The following ZNF791 variants were observed in gnomAD, a reference collection of about 807,000 sequenced individuals.
The protein encoded by ZNF791 is zinc finger protein 791.
In ZNF791, 4 loss-of-function variants were observed where a neutral mutation model predicts 11.5. That is an observed-to-expected ratio of 0.35 (90% CI 0.17 to 0.80). The LOEUF is 0.80. ZNF791 is among the 30% of genes least tolerant of loss of function. The probability of loss-of-function intolerance (pLI) is 0.53; values close to 1 mark genes in which losing one functional copy is unlikely to be tolerated. For synonymous variants in ZNF791, 212 were observed against 228.1 expected, an observed-to-expected ratio of 0.93 and a Z score of 0.64; for missense variants, 559 against 699.4, an observed-to-expected ratio of 0.80 and a Z score of 2.26.
rs557815648 is a variant in ZNF791 at position 12,628,031 on chromosome 19, A to C, written c.502A>C (p.Thr168Pro). 6.2e-7 allele frequency: 1 copy of C among 1,612,472 alleles called. No individual in the cohort carries two copies. Among genetic ancestry groups the C allele is most frequent in the Non-Finnish European group, 8.5e-7 (1 of 1,179,324 alleles). Reference protein sequence around the residue: ...KPYKCKQCGKTFIYHQPFQRH... With the variant: ...KPYKCKQCGKPFIYHQPFQRH... The stretch of plus-strand genomic sequence containing the variant: ...CTATAAATGTAAACAATGTGGAAAA[A>C]CCTTCATATATCACCAGCCCTTTCA... The change falls in exon 4 of 4, where the codon ACC (threonine) becomes CCC (proline). Residue 168 changes from threonine to proline, a missense_variant. Physicochemically the swap from Thr to Pro is conservative, Grantham distance 38 (BLOSUM62 -1). Transcript: ENST00000343325.
rs747648376 is a variant in ZNF791 at position 12,628,472 on chromosome 19, A to G, written c.943A>G (p.Ile315Val). The part of the protein sequence containing the change: ...CGKAFRCSTS[I>V]QIHERIHTGE... The stretch of plus-strand genomic sequence containing the variant: ...TAAAGCCTTCAGATGTTCCACCTCC[A>G]TTCAAATTCATGAAAGAATTCATAC... The change falls in exon 4 of 4, where the codon ATT becomes GTT. Residue 315 changes from isoleucine (I) to valine (V), a missense_variant. Physicochemically the swap from Ile to Val is conservative, Grantham distance 29. Coordinates refer to ENST00000343325, the MANE Select transcript of ZNF791 (RefSeq NM_153358.3). The G allele has an allele frequency of 2.5e-6, 4 of 1,611,960 alleles. No homozygotes were observed. The highest frequency in any genetic ancestry group is 1.7e-5 in the Admixed American group (1 of 59,638).
intron 1 of ZNF791, among the ~76,000 whole-genome samples, chr19:12,615,012 CTTTTTTTT>C (rs1180146927): frequency 2.0e-5 from 1 of 49,854 alleles, no homozygotes; most frequent in Non-Finnish European, 3.5e-5. Context: ...CTATGTTCAA[CTTTTTTTT>C]TTTTTTTTTT....
At chr19:12,620,613 A>G (rs1321565391) in intron 1 of ZNF791, among the ~76,000 whole-genome samples, 1 of 152,130 alleles carries the variant, frequency 6.6e-6, no homozygotes, top group African/African-American at 2.4e-5. Context: ...TAATTACTTA[A>G]GAAAACCCCT....
chr19:12,616,539 A>C (rs2023246921), intron 1 of ZNF791, among the ~76,000 whole-genome samples: 1 of 152,150 alleles, frequency 6.6e-6, no homozygotes, highest in Non-Finnish European at 1.5e-5. Flanking sequence ...TCGGAGAAAA[A>C]AAATTAGCCC....
rs1388296980 is a variant in ZNF791, at chr19:12,611,181, G to A, written c.3+99G>A. 2.6e-6 allele frequency: 4 copies of A among 1,512,906 alleles called. No individual in the cohort carries two copies. The African/African-American group carries it at 5.5e-5, about 21-fold the overall frequency. 93.7% of individuals were successfully genotyped at this position (1,512,906 alleles called of 1,614,324 possible). On this transcript the variant is annotated intron_variant, in intron 1 of 3. Coordinates refer to ENST00000343325, the MANE Select transcript of ZNF791 (RefSeq NM_153358.3). Reference sequence around the variant, plus strand: ...GCCGCAGTGTGGGGCTGGGCTGGCAGCTGGAACTCCAAGCGTCCTGTCCCG... The same window carrying A: ...GCCGCAGTGTGGGGCTGGGCTGGCAACTGGAACTCCAAGCGTCCTGTCCCG...
At chr19:12,618,589 CCT>C (rs1356598259) in intron 1 of ZNF791, among the ~76,000 whole-genome samples, 1 of 151,614 alleles carries the variant, frequency 6.6e-6, no homozygotes, top group Non-Finnish European at 1.5e-5. Flanking sequence ...ATGGTGAAAC[CCT>C]GTCTCTACTA....
chr19:12,618,023 T>C (rs2023274047), intron 1 of ZNF791, among the ~76,000 whole-genome samples: 1 of 150,800 alleles, frequency 6.6e-6, no homozygotes, highest in Admixed American at 6.7e-5. Context: ...GTTCAAGCGA[T>C]TCTCCTGCCT....
At chr19:12,625,257 A>C (rs990670379) in intron 3 of ZNF791, among the ~76,000 whole-genome samples, 4 of 150,682 alleles carry the variant, frequency 2.7e-5, no homozygotes, top group African/African-American at 9.7e-5. Context: ...AGTAGCTGGG[A>C]TTACAGGGAC....
At chr19:12,621,530 T>C (rs1599323951) in intron 1 of ZNF791, among the ~76,000 whole-genome samples, 2 of 151,774 alleles carry the variant, frequency 1.3e-5, no homozygotes, top group South Asian at 2.1e-4. Flanking sequence ...AATACGTCTC[T>C]AAAAGAGTAT....
Position 12,628,398 on chromosome 19 carries a change from A to C in ZNF791, c.869A>C (p.His290Pro), listed in dbSNP as rs2023458497. ...AFIFPSFLRV[H>P]ERIHTGEKPY... is the part of the protein sequence containing the mutation. ...ATTTTTCCCAGTTTTTTACGAGTAC[A>C]TGAAAGAATTCACACTGGAGAGAAA... Residue 290 changes from histidine to proline, a missense_variant, in exon 4 of 4, where the codon CAT (histidine) becomes CCT (proline). His to Pro is a moderately conservative substitution (Grantham distance 77). Transcript: ENST00000343325. 1.2e-6 allele frequency: 2 copies of C among 1,608,412 alleles called. No individual in the cohort carries two copies. The highest frequency in any genetic ancestry group is 1.7e-5 in the Admixed American group (1 of 58,970).
chr19:12,622,411 CAAAAAA>C lies in ZNF791; in HGVS notation c.4-1273_4-1268del, dbSNP rs370413296. On this transcript the variant is annotated intron_variant, in intron 1 of 3. Coordinates refer to ENST00000343325, the MANE Select transcript of ZNF791 (RefSeq NM_153358.3). ...ATAATAAAAAAAAGACTGTCTCAAACAAAAAAAAAAAAAAAAAAAAACCTCCACCTC... is the reference window on the plus strand; with the variant it reads ...ATAATAAAAAAAAGACTGTCTCAAACAAAAAAAAAAAAAAACCTCCACCTC... 3.1e-3 allele frequency among the ~76,000 whole-genome samples: 243 copies of C among 79,602 alleles called. 1 individual carries two copies. Among genetic ancestry groups the C allele is most frequent in the African/African-American group, 0.011 (215 of 18,760 alleles). 52.2% of individuals were successfully genotyped at this position (79,602 alleles called of 152,430 possible).
rs767694014 is a variant in ZNF791, at chr19:12,627,709, A to C, written c.192-12A>C. 5.0e-6 allele frequency: 8 copies of C among 1,593,382 alleles called. No individual in the cohort carries two copies. The highest frequency in any genetic ancestry group is 6.9e-6 in the Non-Finnish European group (8 of 1,167,086). ...ACACAACCAGTATTACCGTGCTTCT[A>C]ATTTTTTACAGAAGCCATACGGGAG... is the stretch of plus-strand genomic sequence containing the variant. On this transcript the variant is annotated splice_polypyrimidine_tract_variant and intron_variant, in intron 3 of 3. Transcript: ENST00000343325.
intron 2 of ZNF791, 138 bp from the exon 3 acceptor site, chr19:12,624,512 T>TC (rs1735009059): frequency 1.6e-6 from 1 of 636,106 alleles, no homozygotes; most frequent in African/African-American, 1.9e-5. Flanking sequence ...TAATCACTGT[T>TC]CCGAGATTTG....
At position 12,628,400 on chromosome 19, in the gene ZNF791, G is replaced by A. The variant is rs779598476; in HGVS notation, c.871G>A (p.Glu291Lys). ...FIFPSFLRVH[E>K]RIHTGEKPYK... is the part of the protein sequence containing the mutation. Reference sequence around the variant, plus strand: ...TTTTCCCAGTTTTTTACGAGTACATGAAAGAATTCACACTGGAGAGAAACC... The same window carrying A: ...TTTTCCCAGTTTTTTACGAGTACATAAAAGAATTCACACTGGAGAGAAACC... Residue 291 changes from glutamate to lysine, a missense_variant, in exon 4 of 4, where the codon GAA becomes AAA. Transcript: ENST00000343325. 20 of 1,608,104 alleles carry A rather than the reference G, an allele frequency of 1.2e-5. No homozygotes were observed. The highest frequency in any genetic ancestry group is 1.7e-5 in the Non-Finnish European group (20 of 1,177,130).
chr19:12,624,851 C>A (rs1270622160), intron 3 of ZNF791, 141 bp downstream of exon 3: 1 of 462,906 alleles, frequency 2.2e-6, no homozygotes, highest in Non-Finnish European at 3.8e-6. Context: ...AGTTCAAGAC[C>A]AGCCTGGCCA....
rs182576967 is a variant in ZNF791 at position 12,614,888 on chromosome 19, C to T, written c.3+3806C>T. Among the ~76,000 whole-genome samples, 21 of 27,414 alleles carry T rather than the reference C, an allele frequency of 7.7e-4. No homozygotes were observed. The South Asian group carries it at 0.02, about 26-fold the overall frequency. 18.0% of individuals were successfully genotyped at this position (27,414 alleles called of 152,430 possible). A position where few individuals can be genotyped will look rare whatever the true frequency, so the allele number is the denominator to read the frequency against. The stretch of plus-strand genomic sequence containing the variant: ...GATTACAGGTGTGAGCCACTGCGTC[C>T]GGCCTTTTTTTTTTTTTTTTTTTTT... On this transcript the variant is annotated intron_variant, in intron 1 of 3. Coordinates refer to ENST00000343325, the MANE Select transcript of ZNF791 (RefSeq NM_153358.3).
chr19:12,620,691 C>T (rs191451203), intron 1 of ZNF791, among the ~76,000 whole-genome samples: 1 of 150,654 alleles, frequency 6.6e-6, no homozygotes, highest in East Asian at 2.0e-4. Context: ...CCTGGGACAA[C>T]AGCCCCTAGA....
intron 1 of ZNF791, among the ~76,000 whole-genome samples, chr19:12,616,215 A>G (rs566234821): frequency 6.6e-6 from 1 of 152,238 alleles, no homozygotes; most frequent in Admixed American, 6.5e-5. Context: ...TGCCATCTGT[A>G]TATCTTTCAT....
At chr19:12,627,166 G>T (rs1226636144) in intron 3 of ZNF791, among the ~76,000 whole-genome samples, 1 of 150,250 alleles carries the variant, frequency 6.7e-6, no homozygotes, top group Non-Finnish European at 1.5e-5. Flanking sequence ...GGGTGACAGA[G>T]TGAGACTCTG....
Sources: gnomAD v4.1 joint callset for allele counts (sites outside exome capture counted in the v4.1 genomes callset) on GRCh38, gnomAD v4.1.1 for gene constraint, MANE v1.5 for transcripts, NCBI Gene and HGNC (gene_info 2026-07-23, HGNC 2026-07-21) for gene names.